The following FUT8 variants were observed in gnomAD, a reference collection of about 807,000 sequenced individuals.
FUT8 encodes fucosyltransferase 8, also known as alpha-(1,6)-fucosyltransferase.
In FUT8, 29 loss-of-function variants were observed where a neutral mutation model predicts 71.3. The ratio of observed to expected loss-of-function variants is 0.41; its 90% confidence interval spans 0.30 to 0.55. The LOEUF (loss-of-function observed/expected upper bound fraction) is 0.55. FUT8 is among the 20% of genes least tolerant of loss of function. FUT8 has a pLI of 0.34. For missense variants in FUT8, 544 were observed against 702.1 expected (o/e 0.77, Z 2.55); for synonymous variants, 254 against 239.3 (o/e 1.06, Z -0.57).
At chr14:65,379,715 G>A in the FUT8 span, among the ~76,000 whole-genome samples, 5 of 152,164 alleles carry the variant, frequency 3.3e-5, no homozygotes, top group African/African-American at 1.2e-4. Flanking sequence ...TACTCCGTTT[G>A]TGCTGCTATA....
At chr14:65,487,577 A>AAC (rs1013774493) in intron 2 of FUT8, among the ~76,000 whole-genome samples, 2 of 151,928 alleles carry the variant, frequency 1.3e-5, no homozygotes, top group African/African-American at 4.8e-5. Context: ...AAAAAAAAAA[A>AAC]AAAAAAAACT....
At chr14:65,492,546 T>C (rs2066497577) in intron 2 of FUT8, among the ~76,000 whole-genome samples, 1 of 152,214 alleles carries the variant, frequency 6.6e-6, no homozygotes, top group Non-Finnish European at 1.5e-5. Context: ...TCTTCCACCA[T>C]GTGGCTGTGC....
At chr14:65,615,395 C>G (rs1889227322) in intron 3 of FUT8, among the ~76,000 whole-genome samples, 1 of 152,180 alleles carries the variant, frequency 6.6e-6, no homozygotes, top group South Asian at 2.1e-4. Flanking sequence ...GCATGAGTGG[C>G]TACACCTGGC....
At chr14:65,526,659 G>A (rs1594738665) in intron 2 of FUT8, among the ~76,000 whole-genome samples, 1 of 152,124 alleles carries the variant, frequency 6.6e-6, no homozygotes, top group Non-Finnish European at 1.5e-5. Flanking sequence ...TCCTGGTATC[G>A]ATGGTCTTTA....
intron 3 of FUT8, among the ~76,000 whole-genome samples, chr14:65,579,321 A>G (rs1886954758): frequency 6.6e-6 from 1 of 152,180 alleles, no homozygotes; most frequent in Non-Finnish European, 1.5e-5. Context: ...ATAATGACAG[A>G]ATATCCAATT....
Position 65,742,047 on chromosome 14 carries a change from G to GGAGA in FUT8, c.1411-44_1411-41dup, listed in dbSNP as rs760486558. The GGAGA allele has an allele frequency of 1.6e-5, 24 of 1,513,378 alleles. No individual in the cohort carries two copies. In the African/African-American group the frequency reaches 2.3e-4, roughly 15 times the overall value. 93.7% of individuals were successfully genotyped at this position (1,513,378 alleles called of 1,614,324 possible). A position where few individuals can be genotyped will look rare whatever the true frequency, so the allele number is the denominator to read the frequency against. On this transcript the variant is annotated intron_variant, in intron 10 of 10. Coordinates refer to ENST00000673929, the MANE Select transcript of FUT8 (RefSeq NM_001371533.1). ...CCAAGGGCTTTTAGATTGCTGTGAAGGAGAGTGTTTATATACTAACAATTT... is the reference window on the plus strand; with the variant it reads ...CCAAGGGCTTTTAGATTGCTGTGAAGGAGAGAGAGTGTTTATATACTAACAATTT...
chr14:65,731,091 T>G lies in FUT8; in HGVS notation c.1260-2140T>G, dbSNP rs80119823. 7.3e-3 allele frequency among the ~76,000 whole-genome samples: 1,116 copies of G among 152,374 alleles called. 10 individuals carry two copies. The highest frequency in any genetic ancestry group is 0.012 in the Non-Finnish European group (828 of 68,042). On this transcript the variant is annotated intron_variant, in intron 9 of 10. Coordinates refer to ENST00000673929, the MANE Select transcript of FUT8 (RefSeq NM_001371533.1). ...CAATGAGTGGTGTATTTGTTCACTATTTTATTGAACTCCTATAATATGCTG... is the reference window on the plus strand; with the variant it reads ...CAATGAGTGGTGTATTTGTTCACTAGTTTATTGAACTCCTATAATATGCTG...
At chr14:65,549,639 T>A (rs12893701) in intron 2 of FUT8, among the ~76,000 whole-genome samples, 2 of 152,212 alleles carry the variant, frequency 1.3e-5, no homozygotes, top group Non-Finnish European at 2.9e-5. Context: ...ACGGATATTG[T>A]AAATGGCTTT....
chr14:65,641,297 T>G (rs1167414867), intron 6 of FUT8, among the ~76,000 whole-genome samples: 1 of 152,216 alleles, frequency 6.6e-6, no homozygotes, highest in African/African-American at 2.4e-5. Flanking sequence ...CTGGCTTCTT[T>G]TACTCAGCGT....
At chr14:65,459,833 C>T (rs2065946317) in intron 2 of FUT8, among the ~76,000 whole-genome samples, 1 of 151,664 alleles carries the variant, frequency 6.6e-6, no homozygotes. Context: ...CTGTGAGAAA[C>T]AGTCAAAAAA....
At chr14:65,641,467 G>A (rs1849286192) in intron 6 of FUT8, among the ~76,000 whole-genome samples, 1 of 152,104 alleles carries the variant, frequency 6.6e-6, no homozygotes, top group African/African-American at 2.4e-5. Flanking sequence ...AAACTGTTGT[G>A]AATATTTATG....
intron 6 of FUT8, among the ~76,000 whole-genome samples, chr14:65,646,856 G>A (rs987616884): frequency 9.2e-5 from 14 of 152,100 alleles, no homozygotes; most frequent in Admixed American, 8.5e-4. Context: ...AAAACATATG[G>A]ATAAGCTCTG....
chr14:65,570,290 C>T (rs892616881), intron 3 of FUT8, among the ~76,000 whole-genome samples: 1 of 152,078 alleles, frequency 6.6e-6, no homozygotes. Context: ...TACCCAGAAT[C>T]AGCAAATGCT....
intron 7 of FUT8, among the ~76,000 whole-genome samples, chr14:65,686,887 CAAACAG>C (rs1290099929): frequency 6.6e-6 from 1 of 152,128 alleles, no homozygotes; most frequent in African/African-American, 2.4e-5. Context: ...TCTGTTCATT[CAAACAG>C]AACAAGTTTC....
At position 65,742,503 on chromosome 14, in the gene FUT8, C is replaced by T; in HGVS notation, c.*93C>T. On this transcript the variant is annotated 3_prime_UTR_variant, in exon 11 of 11. Coordinates refer to ENST00000673929, the MANE Select transcript of FUT8 (RefSeq NM_001371533.1). ...AACTGTAGATGAAGAGGGCTCTGAT[C>T]TAACAAAATAAGGTTATATGAGTAG... 1.9e-6 allele frequency: 2 copies of T among 1,072,908 alleles called. No homozygotes were observed. Among genetic ancestry groups the T allele is most frequent in the South Asian group, 1.6e-5 (1 of 61,686 alleles). The allele number at this position is 1,072,908 out of a possible 1,614,324, so 66.5% of individuals were successfully genotyped here.
intron 3 of FUT8, among the ~76,000 whole-genome samples, chr14:65,601,724 T>A (rs1768262535): frequency 6.6e-6 from 1 of 152,188 alleles, no homozygotes; most frequent in South Asian, 2.1e-4. Flanking sequence ...AGTGTATTAC[T>A]ATATGATGCC....
At chr14:65,608,432 GAGAGCCGTGTAATC>G (rs1888701033) in intron 3 of FUT8, among the ~76,000 whole-genome samples, 1 of 151,886 alleles carries the variant, frequency 6.6e-6, no homozygotes, top group Admixed American at 6.6e-5. Flanking sequence ...TAATTTCTCA[GAGAGCCGTGTAATC>G]ATTTCATTTA....
chr14:65,391,237 C>T, the FUT8 span, among the ~76,000 whole-genome samples: 1 of 152,184 alleles, frequency 6.6e-6, no homozygotes, highest in South Asian at 2.1e-4. Flanking sequence ...GAGAGCTGGA[C>T]AGTGAGGCTG....
intron 3 of FUT8, among the ~76,000 whole-genome samples, chr14:65,590,000 T>G (rs1887602761): frequency 6.6e-6 from 1 of 152,198 alleles, no homozygotes; most frequent in Non-Finnish European, 1.5e-5. Flanking sequence ...ACATCTTCTA[T>G]TAGTTTCTTC....
Sources: gnomAD v4.1 joint callset for allele counts (sites outside exome capture counted in the v4.1 genomes callset) on GRCh38, gnomAD v4.1.1 for gene constraint, MANE v1.5 for transcripts, NCBI Gene and HGNC (gene_info 2026-07-23, HGNC 2026-07-21) for gene names.